Variants in ADCY2 observed in about 807,000 individuals in gnomAD.
ADCY2 encodes adenylate cyclase type 2.
Under a neutral mutation model 125.2 loss-of-function variants are expected in ADCY2, and 31 were observed. That is an observed-to-expected ratio of 0.25 (90% CI 0.19 to 0.33). The LOEUF is 0.33. ADCY2 is among the 10% of genes least tolerant of loss of function. ADCY2 has a pLI of 1.00. For missense variants in ADCY2, 904 were observed against 1,418.2 expected, an observed-to-expected ratio of 0.64 and a Z score of 5.82; for synonymous variants, 512 against 548.4, an observed-to-expected ratio of 0.93 and a Z score of 0.93.
rs772054576 is a variant in ADCY2, at chr5:7,827,047, C to T, written c.*176C>T. On this transcript the variant is annotated 3_prime_UTR_variant, in exon 25 of 25. Coordinates refer to ENST00000338316, the MANE Select transcript of ADCY2 (RefSeq NM_020546.3). ...TTTGGTGTCTGATGTGTGCCCAGAT[C>T]GTTCTGCCACTTGCACTGTGCTTGC... 1.5e-5 allele frequency: 11 copies of T among 737,806 alleles called. No homozygotes were observed. Among genetic ancestry groups the T allele is most frequent in the South Asian group, 4.0e-5 (2 of 49,934 alleles). 45.7% of individuals were successfully genotyped at this position (737,806 alleles called of 1,614,324 possible). A position where few individuals can be genotyped will look rare whatever the true frequency, so the allele number is the denominator to read the frequency against.
At chr5:7,768,204 G>T (rs1168073176) in intron 17 of ADCY2, among the ~76,000 whole-genome samples, 1 of 152,282 alleles carries the variant, frequency 6.6e-6, no homozygotes, top group East Asian at 1.9e-4. Flanking sequence ...CTTCAAATTA[G>T]GTGTTATCAT....
chr5:7,742,911 T>C (rs1308805320), intron 14 of ADCY2, among the ~76,000 whole-genome samples: 1 of 152,198 alleles, frequency 6.6e-6, no homozygotes, highest in African/African-American at 2.4e-5. Flanking sequence ...TCATCTTTGA[T>C]GATTCACTGT....
At chr5:7,658,947 C>T (rs1025091000) in intron 4 of ADCY2, among the ~76,000 whole-genome samples, 4 of 152,112 alleles carry the variant, frequency 2.6e-5, no homozygotes, top group Non-Finnish European at 5.9e-5. Context: ...CTCATTTCAT[C>T]CAAAAACAAC....
intron 3 of ADCY2, among the ~76,000 whole-genome samples, chr5:7,548,216 C>A (rs1268135788): frequency 6.6e-6 from 1 of 151,774 alleles, no homozygotes; most frequent in Non-Finnish European, 1.5e-5. Context: ...TGAACTATTT[C>A]TTTTTAAATT....
At chr5:7,548,649 T>C (rs1735225402) in intron 3 of ADCY2, among the ~76,000 whole-genome samples, 1 of 152,192 alleles carries the variant, frequency 6.6e-6, no homozygotes, top group Admixed American at 6.5e-5. Flanking sequence ...CCAGTAACTT[T>C]AATGGTTTTT....
chr5:7,543,546 A>C (rs150900169), intron 3 of ADCY2, among the ~76,000 whole-genome samples: 2 of 152,298 alleles, frequency 1.3e-5, no homozygotes, highest in African/African-American at 2.4e-5. Context: ...ACAGTTAGTG[A>C]GTCCCTTCAC....
chr5:7,424,431 G>A (rs1176128840), intron 2 of ADCY2, among the ~76,000 whole-genome samples: 4 of 152,234 alleles, frequency 2.6e-5, no homozygotes, highest in African/African-American at 9.6e-5. Context: ...TTTGGACTTG[G>A]CATTCTGCCA....
In ADCY2 at chr5:7,571,811, G is replaced by A. The variant is rs368471065; in HGVS notation, c.570+50912G>A. ...TCCCAACTCCCACCCTCCAATAGGC[G>A]CCAGTGTCTATTGTTCCCCTCTGTA... On this transcript the variant is annotated intron_variant, in intron 3 of 24. Coordinates refer to ENST00000338316, the MANE Select transcript of ADCY2 (RefSeq NM_020546.3). Among the ~76,000 whole-genome samples, 29 of 151,916 alleles carry A rather than the reference G, an allele frequency of 1.9e-4. 1 individual carries two copies. Among genetic ancestry groups the A allele is most frequent in the Admixed American group, 3.3e-4 (5 of 15,222 alleles).
Position 7,753,021 on chromosome 5 carries a change from C to T in ADCY2, c.1957-4428C>T, listed in dbSNP as rs1474102234. Among the ~76,000 whole-genome samples, 3 of 151,664 alleles carry T rather than the reference C, an allele frequency of 2.0e-5. No homozygotes were observed. In the East Asian group the frequency reaches 5.8e-4, roughly 29 times the overall value. ...TCAAGCAGTTTTCCTGCTTCAGCCTCCTTAGTAGCTGGGATTACAGGCACC... is the reference window on the plus strand; with the variant it reads ...TCAAGCAGTTTTCCTGCTTCAGCCTTCTTAGTAGCTGGGATTACAGGCACC... On this transcript the variant is annotated intron_variant, in intron 15 of 24. Transcript: ENST00000338316.
Position 7,802,036 on chromosome 5 carries a change from G to A in ADCY2, c.2629-182G>A, listed in dbSNP as rs774119721. On this transcript the variant is annotated intron_variant, in intron 20 of 24. Coordinates refer to ENST00000338316, the MANE Select transcript of ADCY2 (RefSeq NM_020546.3). The surrounding 1 kb of genome is among the most constrained non-coding windows in gnomAD (Gnocchi z 4.6). ...GTAGTGGCCTGAATCCAGCTCATTAGAAGCTTTCCCCTGAGAGCAGCGGCA... is the reference window on the plus strand; with the variant it reads ...GTAGTGGCCTGAATCCAGCTCATTAAAAGCTTTCCCCTGAGAGCAGCGGCA... The A allele has an allele frequency of 1.6e-6, 1 of 610,726 alleles. No individual in the cohort carries two copies. Among genetic ancestry groups the A allele is most frequent in the Non-Finnish European group, 2.8e-6 (1 of 358,642 alleles). The allele number at this position is 610,726 out of a possible 1,614,324, so 37.8% of individuals were successfully genotyped here. A position where few individuals can be genotyped will look rare whatever the true frequency, so the allele number is the denominator to read the frequency against.
At chr5:7,535,947 C>T (rs986426954) in intron 3 of ADCY2, among the ~76,000 whole-genome samples, 1 of 152,118 alleles carries the variant, frequency 6.6e-6, no homozygotes, top group African/African-American at 2.4e-5. Context: ...GAGAAGGTCG[C>T]CATTTTGATT....
intron 1 of ADCY2, among the ~76,000 whole-genome samples, chr5:7,410,892 G>T (rs912940581): frequency 6.6e-6 from 1 of 151,996 alleles, no homozygotes; most frequent in African/African-American, 2.4e-5. Flanking sequence ...ATGGCCTCGG[G>T]GTGTACCTTG....
At chr5:7,642,846 A>G (rs985791987) in intron 4 of ADCY2, among the ~76,000 whole-genome samples, 1 of 152,090 alleles carries the variant, frequency 6.6e-6, no homozygotes, top group African/African-American at 2.4e-5. Flanking sequence ...TTCATATCTC[A>G]CCAAACTAAG....
intron 2 of ADCY2, among the ~76,000 whole-genome samples, chr5:7,495,538 G>T (rs1011674093): frequency 6.6e-6 from 1 of 152,186 alleles, no homozygotes. Flanking sequence ...AAGGAGGATA[G>T]TTATTTTTGC....
intron 4 of ADCY2, among the ~76,000 whole-genome samples, chr5:7,650,752 G>A (rs904103860): frequency 6.6e-6 from 1 of 152,198 alleles, no homozygotes; most frequent in Non-Finnish European, 1.5e-5. Context: ...TGAGCCTTAT[G>A]GAGTAAGGGT....
chr5:7,680,406 A>C (rs1212447551), intron 4 of ADCY2, among the ~76,000 whole-genome samples: 1 of 152,174 alleles, frequency 6.6e-6, no homozygotes, highest in African/African-American at 2.4e-5. Context: ...GATGTGGTAA[A>C]TGTGTGCAGT....
At chr5:7,729,490 G>A (rs992221779) in intron 14 of ADCY2, among the ~76,000 whole-genome samples, 16 of 151,742 alleles carry the variant, frequency 1.1e-4, no homozygotes, top group African/African-American at 3.1e-4. Context: ...TATAATTGAT[G>A]TGCGTGGACC....
In ADCY2 at chr5:7,683,455, T is replaced by C. The variant is rs773128152; in HGVS notation, c.721-7236T>C. ...GGCTGAACAATAGTGGTTTCTCACTTGTATTTGTCCACTGTAGGGGGACTG... is the reference window on the plus strand; with the variant it reads ...GGCTGAACAATAGTGGTTTCTCACTCGTATTTGTCCACTGTAGGGGGACTG... On this transcript the variant is annotated intron_variant, in intron 4 of 24. Coordinates refer to ENST00000338316, the MANE Select transcript of ADCY2 (RefSeq NM_020546.3). Among the ~76,000 whole-genome samples, 72 of 152,320 alleles carry C rather than the reference T, an allele frequency of 4.7e-4. 1 individual carries two copies. Among genetic ancestry groups the C allele is most frequent in the South Asian group, 6.2e-4 (3 of 4,828 alleles).
At chr5:7,430,354 G>C (rs931151247) in intron 2 of ADCY2, among the ~76,000 whole-genome samples, 17 of 151,628 alleles carry the variant, frequency 1.1e-4, no homozygotes, top group African/African-American at 4.1e-4. Context: ...TCATGTCATG[G>C]GGCCACCATT....
Sources: allele counts gnomAD v4.1 joint callset (sites outside exome capture counted in the v4.1 genomes callset), GRCh38; gene constraint gnomAD v4.1.1; non-coding constraint Gnocchi (gnomAD v3.1); transcripts MANE v1.5; gene names NCBI Gene and HGNC (gene_info 2026-07-23, HGNC 2026-07-21).